The following MAGI1 variants were observed in gnomAD, a reference collection of about 807,000 sequenced individuals.
MAGI1 encodes membrane-associated guanylate kinase, WW and PDZ domain-containing protein 1.
MAGI1 carries 58 observed loss-of-function variants against 139.9 expected under a neutral mutation model. The ratio of observed to expected loss-of-function variants is 0.41; its 90% CI spans 0.34 to 0.52. The LOEUF is 0.52. Ranked by LOEUF, MAGI1 falls within the 20% of genes least tolerant of loss-of-function variation. MAGI1 has a pLI of 0.12. For missense variants in MAGI1, 1,874 were observed against 1,901.6 expected (o/e 0.99, Z 0.27); for synonymous variants, 812 against 737.9 (o/e 1.10, Z -1.63).
intron 1 of MAGI1, 38 bp from the exon 2 acceptor site, chr3:65,622,126 A>C: frequency 7.2e-7 from 1 of 1,387,974 alleles, no homozygotes; most frequent in South Asian, 1.2e-5. Flanking sequence ...CCACATCAAC[A>C]CAGGGCCTCC....
At chr3:65,868,665 T>G (rs1161736561) in intron 1 of MAGI1, among the ~76,000 whole-genome samples, 3 of 152,132 alleles carry the variant, frequency 2.0e-5, no homozygotes, top group African/African-American at 7.2e-5. Context: ...TAATTATATG[T>G]TGGGAGCTAA....
In MAGI1 at chr3:65,453,298, T is replaced by C. The variant is rs1387233350; in HGVS notation, c.1002A>G (p.Leu334=). ...KTTSWLDPRC[L]NKQQKPLEEC... ...CTTCCAGTGGCTTCTGCTGCTTGTT[T>C]AGGCACCGAGGGTCTAACCAAGATG... The change falls in exon 6 of 23, where the codon CTA becomes CTG. Residue 334 remains leucine (L), a synonymous_variant. Coordinates refer to ENST00000402939, the MANE Select transcript of MAGI1 (RefSeq NM_001033057.2). The C allele has an allele frequency of 3.7e-6, 6 of 1,613,330 alleles. No individual in the cohort carries two copies. Among genetic ancestry groups the C allele is most frequent in the Middle Eastern group, 1.6e-4 (1 of 6,062 alleles).
chr3:65,880,682 G>A (rs1245118364), intron 1 of MAGI1, among the ~76,000 whole-genome samples: 2 of 151,972 alleles, frequency 1.3e-5, no homozygotes, highest in African/African-American at 2.4e-5. Context: ...ATTCCACCGG[G>A]AGAACATCCT....
At chr3:65,701,283 G>T (rs1236378302) in intron 1 of MAGI1, among the ~76,000 whole-genome samples, 1 of 152,074 alleles carries the variant, frequency 6.6e-6, no homozygotes, top group Admixed American at 6.6e-5. Context: ...ACAGAGTCTT[G>T]CTCTTGTCGC....
chr3:65,489,590 G>C (rs969610290), intron 3 of MAGI1, among the ~76,000 whole-genome samples: 1 of 152,078 alleles, frequency 6.6e-6, no homozygotes. Flanking sequence ...TAGACAGATA[G>C]ATACATAGAT....
At chr3:65,742,365 T>C (rs550704576) in intron 1 of MAGI1, among the ~76,000 whole-genome samples, 1 of 152,328 alleles carries the variant, frequency 6.6e-6, no homozygotes, top group African/African-American at 2.4e-5. Flanking sequence ...AAATCCAATA[T>C]ACCCAGAGCC....
At chr3:65,856,832 G>A (rs1376170790) in intron 1 of MAGI1, among the ~76,000 whole-genome samples, 1 of 152,190 alleles carries the variant, frequency 6.6e-6, no homozygotes, top group Non-Finnish European at 1.5e-5. Context: ...ACAGGACCTT[G>A]CCTCTCCATG....
chr3:65,657,973 T>A (rs190511551), intron 1 of MAGI1, among the ~76,000 whole-genome samples: 71 of 152,310 alleles, frequency 4.7e-4, no homozygotes, highest in African/African-American at 1.6e-3. Context: ...TGTGAAATGG[T>A]TTGCACAATG....
intron 1 of MAGI1, among the ~76,000 whole-genome samples, chr3:65,796,074 A>G (rs2108098844): frequency 6.6e-6 from 1 of 151,636 alleles, no homozygotes; most frequent in African/African-American, 2.4e-5. Flanking sequence ...AAAAAAAGAA[A>G]AGAAAAGAAA....
intron 13 of MAGI1, 67 bp downstream of exon 13, chr3:65,401,372 T>TCCCC: frequency 1.4e-5 from 11 of 778,242 alleles, no homozygotes; most frequent in East Asian, 3.3e-5. Flanking sequence ...CAGAGTACCC[T>TCCCC]CCCACCTCCA....
In MAGI1 at chr3:65,505,274, T is replaced by C. The variant is rs557200590; in HGVS notation, c.431-11643A>G. ...TCAAAAGCATATTAAAAGAAAATAATTATTTTGGTGAAAAGCTGTGATTAA... is the reference window on the plus strand; with the variant it reads ...TCAAAAGCATATTAAAAGAAAATAACTATTTTGGTGAAAAGCTGTGATTAA... On this transcript the variant is annotated intron_variant, in intron 2 of 22. Transcript: ENST00000402939. 1.2e-4 allele frequency among the ~76,000 whole-genome samples: 18 copies of C among 152,188 alleles called. 1 individual carries two copies. In the South Asian group the frequency reaches 3.5e-3, roughly 30 times the overall value.
At chr3:65,885,220 G>A (rs1429128672) in intron 1 of MAGI1, among the ~76,000 whole-genome samples, 6 of 152,056 alleles carry the variant, frequency 3.9e-5, no homozygotes. Context: ...CTAACACAGT[G>A]AAACCCCATT....
chr3:65,485,239 C>A (rs1256457155), intron 3 of MAGI1, among the ~76,000 whole-genome samples: 1 of 152,188 alleles, frequency 6.6e-6, no homozygotes, highest in East Asian at 1.9e-4. Context: ...CATAAAACTG[C>A]AATACTTTCT....
chr3:65,671,955 T>C (rs550636785), intron 1 of MAGI1, among the ~76,000 whole-genome samples: 4 of 152,248 alleles, frequency 2.6e-5, no homozygotes, highest in Non-Finnish European at 5.9e-5. Flanking sequence ...TCACCATAGA[T>C]ACAAAATTGG....
intron 1 of MAGI1, among the ~76,000 whole-genome samples, chr3:66,022,126 C>T (rs564066373): frequency 1.5e-4 from 23 of 152,336 alleles, no homozygotes; most frequent in African/African-American, 5.3e-4. Flanking sequence ...AAAAAAGCCT[C>T]CAATCCTTAC....
At position 65,556,538 on chromosome 3, in the gene MAGI1, T is replaced by A. The variant is rs528269628; in HGVS notation, c.431-62907A>T. On this transcript the variant is annotated intron_variant, in intron 2 of 22. Coordinates refer to ENST00000402939, the MANE Select transcript of MAGI1 (RefSeq NM_001033057.2). ...CCATCTCATTATAAAAGCTAAAGCC[T>A]GAGAATTCATCCTGGACAACCCTCT... Among the ~76,000 whole-genome samples, 18 of 152,326 alleles carry A rather than the reference T, an allele frequency of 1.2e-4. No homozygotes were observed. The South Asian group carries it at 3.5e-3, about 30-fold the overall frequency.
At chr3:65,829,202 G>T (rs1364423862) in intron 1 of MAGI1, among the ~76,000 whole-genome samples, 1 of 152,180 alleles carries the variant, frequency 6.6e-6, no homozygotes, top group African/African-American at 2.4e-5. Context: ...AGCAGCAACA[G>T]AAAATTAATA....
chr3:65,804,188 A>G (rs996440371), intron 1 of MAGI1, among the ~76,000 whole-genome samples: 1 of 152,160 alleles, frequency 6.6e-6, no homozygotes, highest in South Asian at 2.1e-4. Context: ...GGCCTGGCAG[A>G]GACCCTGCGT....
rs377531675 is a variant in MAGI1 at position 65,430,749 on chromosome 3, T to C, written c.1496A>G (p.Lys499Arg). The stretch of plus-strand genomic sequence containing the variant: ...AGCAGGACCATCTAGGACCAAGCTC[T>C]TGATCTGGAGAAACTCATCAGGTTC... ...GDEPDEFLQI[K>R]SLVLDGPAAL... Residue 499 changes from lysine to arginine, a missense_variant, in exon 11 of 23, where the codon AAG becomes AGG. This residue lies in a region of MAGI1 where 86 missense variants were observed against 130.0 expected (regional missense o/e 0.66). Coordinates refer to ENST00000402939, the MANE Select transcript of MAGI1 (RefSeq NM_001033057.2). 3.7e-6 allele frequency: 6 copies of C among 1,613,622 alleles called. No individual in the cohort carries two copies. In the African/African-American group the frequency reaches 6.7e-5, roughly 18 times the overall value.
Sources: gnomAD v4.1 joint callset for allele counts (sites outside exome capture counted in the v4.1 genomes callset) on GRCh38, gnomAD v4.1.1 for gene constraint, gnomAD v4.1.1 regional missense constraint, MANE v1.5 for transcripts, NCBI Gene and HGNC (gene_info 2026-07-23, HGNC 2026-07-21) for gene names.